The following FRMPD4 variants were observed in gnomAD, a reference collection of about 807,000 sequenced individuals.
FRMPD4 encodes the protein FERM and PDZ domain containing 4, also known as FERM and PDZ domain-containing protein 4.
FRMPD4 carries 22 observed loss-of-function variants against 94.1 expected under a neutral mutation model. The observed-to-expected ratio is 0.23, with a 90% CI of 0.17 to 0.33. The LOEUF is 0.33. Among genes scored for constraint, FRMPD4 ranks in the 10% least tolerant of loss-of-function variants. FRMPD4 has a pLI of 1.00. For synonymous variants in FRMPD4, 631 were observed against 548.6 expected, an observed-to-expected ratio of 1.15 and a Z score of -2.10; for missense variants, 1,111 against 1,339.9, an observed-to-expected ratio of 0.83 and a Z score of 2.67.
chrX:12,011,718 T>C (rs917576433), intron 3 of FRMPD4, among the ~76,000 whole-genome samples: 4 of 111,501 alleles, frequency 3.6e-5, no homozygotes, highest in Non-Finnish European at 7.5e-5. Flanking sequence ...TGTACTTTTT[T>C]TTAGGTGGTT....
intron 1 of FRMPD4, among the ~76,000 whole-genome samples, chrX:12,444,149 A>C (rs1238334894): frequency 9.1e-6 from 1 of 110,156 alleles, no homozygotes; most frequent in Non-Finnish European, 1.9e-5. Context: ...GTAGGGAGAC[A>C]TAGGGGTTAT....
At chrX:12,458,493 T>G (rs762589961) in intron 1 of FRMPD4, among the ~76,000 whole-genome samples, 1 of 112,017 alleles carries the variant, frequency 8.9e-6, no homozygotes, top group East Asian at 2.8e-4. Flanking sequence ...GAGGGTTGAC[T>G]GGGTAGTTCT....
intron 1 of FRMPD4, among the ~76,000 whole-genome samples, chrX:12,322,005 T>A (rs980514843): frequency 2.7e-5 from 3 of 111,808 alleles, no homozygotes; most frequent in African/African-American, 9.8e-5. Context: ...GTGCAGTCAG[T>A]GGGTTTGTGT....
chrX:12,182,089 T>C (rs1220796766), intron 1 of FRMPD4, among the ~76,000 whole-genome samples: 2 of 111,635 alleles, frequency 1.8e-5, no homozygotes, highest in African/African-American at 3.3e-5. Flanking sequence ...TAGTCAGCTC[T>C]ACTGAAACCA....
chrX:12,103,100 C>T (rs1389627047), intron 3 of FRMPD4, among the ~76,000 whole-genome samples: 1 of 111,375 alleles, frequency 9.0e-6, no homozygotes, highest in Admixed American at 9.6e-5. Context: ...GATATCCTCT[C>T]CCCAGATTTT....
chrX:12,010,801 A>G (rs934984628), intron 3 of FRMPD4, among the ~76,000 whole-genome samples: 12 of 112,461 alleles, frequency 1.1e-4, no homozygotes, highest in African/African-American at 3.9e-4. Context: ...AAGGCAAGAA[A>G]GTCTTCTAGG....
chrX:11,973,748 T>G (rs896458670), intron 3 of FRMPD4, among the ~76,000 whole-genome samples: 10 of 111,858 alleles, frequency 8.9e-5, no homozygotes, highest in African/African-American at 3.3e-4. Flanking sequence ...ATGAGAACAA[T>G]AGAGATCCAC....
In FRMPD4 at chrX:12,233,834, G is replaced by A. The variant is rs866786736; in HGVS notation, c.41+94822G>A. On this transcript the variant is annotated intron_variant, in intron 1 of 16. Coordinates refer to ENST00000675598, the MANE Select transcript of FRMPD4 (RefSeq NM_001368397.1). ...GGAAGCTTGGTGAAGGCAGGACTTG[G>A]CTTTCTTCCTTTTGTGTTCCCAGGG... Among the ~76,000 whole-genome samples the A allele has an allele frequency of 1.8e-4, 20 of 111,202 alleles. No individual in the cohort carries two copies. In the Middle Eastern group the frequency reaches 0.018, roughly 102 times the overall value.
chrX:12,594,698 G>A (rs1223612518), intron 2 of FRMPD4, among the ~76,000 whole-genome samples: 1 of 111,382 alleles, frequency 9.0e-6, no homozygotes. Flanking sequence ...GCCTCCCAAA[G>A]TGCTGGGATT....
intron 1 of FRMPD4, among the ~76,000 whole-genome samples, chrX:12,430,525 A>G (rs376101391): frequency 8.9e-6 from 1 of 112,439 alleles, no homozygotes. Context: ...CTCAATTAAT[A>G]TGATCAATAA....
intron 1 of FRMPD4, among the ~76,000 whole-genome samples, chrX:12,488,845 G>A (rs1324852745): frequency 2.7e-5 from 3 of 111,306 alleles, no homozygotes; most frequent in Non-Finnish European, 5.7e-5. Flanking sequence ...AAAATAGAAG[G>A]GCAGAAAAAT....
At chrX:11,852,493 G>A (rs1477549314) in intron 1 of FRMPD4, among the ~76,000 whole-genome samples, 4 of 106,739 alleles carry the variant, frequency 3.7e-5, no homozygotes, top group African/African-American at 1.4e-4. Context: ...ACTTCGTTAT[G>A]ATTTCAGCCT....
chrX:12,294,467 T>TACAC (rs766103055), intron 1 of FRMPD4, among the ~76,000 whole-genome samples: 2 of 87,275 alleles, frequency 2.3e-5, no homozygotes, highest in Non-Finnish European at 4.4e-5. Context: ...CTCATAACTG[T>TACAC]ACACACACAC....
intron 1 of FRMPD4, among the ~76,000 whole-genome samples, chrX:12,495,806 A>G (rs1330675494): frequency 8.9e-6 from 1 of 112,100 alleles, no homozygotes; most frequent in Non-Finnish European, 1.9e-5. Context: ...CCTGGGTAGT[A>G]TAAAATACCA....
intron 3 of FRMPD4, chrX:12,054,788 T>A (rs771753546): frequency 1.5e-4 from 17 of 112,196 alleles, no homozygotes; most frequent in Non-Finnish European, 2.4e-4. Flanking sequence ...TCAATTTTTT[T>A]AAGTAATCTA....
chrX:12,113,495 C>T (rs2055383452), intron 3 of FRMPD4, among the ~76,000 whole-genome samples: 1 of 111,552 alleles, frequency 9.0e-6, no homozygotes, highest in Non-Finnish European at 1.9e-5. Context: ...TGGTTCATGG[C>T]TCTGCATCAC....
intron 3 of FRMPD4, among the ~76,000 whole-genome samples, chrX:11,958,923 C>T (rs1241243095): frequency 1.8e-5 from 2 of 111,687 alleles, no homozygotes; most frequent in Non-Finnish European, 3.8e-5. Flanking sequence ...TTATTTTCTA[C>T]AAAAAGCCAA....
chrX:12,215,061 G>A (rs900462180), intron 1 of FRMPD4, among the ~76,000 whole-genome samples: 5 of 111,488 alleles, frequency 4.5e-5, no homozygotes, highest in African/African-American at 1.3e-4. Context: ...ATAGCACCCC[G>A]TTGAGTTGAA....
At chrX:12,555,247 T>C (rs2058583516) in intron 2 of FRMPD4, among the ~76,000 whole-genome samples, 1 of 111,485 alleles carries the variant, frequency 9.0e-6, no homozygotes, top group South Asian at 3.8e-4. Context: ...TGGTGAGTCA[T>C]AGAATGTCAG....
Sources: gnomAD v4.1 joint callset for allele counts (sites outside exome capture counted in the v4.1 genomes callset) on GRCh38, gnomAD v4.1.1 for gene constraint, MANE v1.5 for transcripts, NCBI Gene and HGNC (gene_info 2026-07-23, HGNC 2026-07-21) for gene names.